ZFC3H1: variants seen among roughly 807,000 people sequenced by gnomAD.
ZFC3H1 encodes zinc finger C3H1 domain-containing protein.
Under a neutral mutation model 243.7 loss-of-function variants are expected in ZFC3H1, and 71 were observed. The ratio of observed to expected loss-of-function variants is 0.29; its 90% CI spans 0.24 to 0.36. The LOEUF is 0.36. Among genes scored for constraint, ZFC3H1 ranks in the 10% least tolerant of loss-of-function variants. The pLI is 1.00. For missense variants in ZFC3H1, 1,966 were observed against 2,317.1 expected, an observed-to-expected ratio of 0.85 and a Z score of 3.11; for synonymous variants, 838 against 813.0, an observed-to-expected ratio of 1.03 and a Z score of -0.52.
chr12:71,653,945 G>A (rs990123184), intron 2 of ZFC3H1, among the ~76,000 whole-genome samples: 6 of 152,072 alleles, frequency 3.9e-5, no homozygotes, highest in Non-Finnish European at 5.9e-5. Flanking sequence ...CCCAGGAGGC[G>A]GAGGTTGCAA....
chr12:71,648,374 T>A (rs1438897306), intron 2 of ZFC3H1, among the ~76,000 whole-genome samples: 1 of 152,226 alleles, frequency 6.6e-6, no homozygotes, highest in East Asian at 1.9e-4. Flanking sequence ...TGAAATAATG[T>A]ACAAAATCTT....
intron 7 of ZFC3H1, among the ~76,000 whole-genome samples, chr12:71,637,888 TTTTTCC>T (rs972276411): frequency 8.5e-5 from 13 of 152,190 alleles, no homozygotes; most frequent in Non-Finnish European, 1.8e-4. Flanking sequence ...CTACTTCCTT[TTTTTCC>T]TTTTCCTTTT....
intron 2 of ZFC3H1, among the ~76,000 whole-genome samples, chr12:71,654,471 C>T (rs1880967324): frequency 6.6e-6 from 1 of 152,124 alleles, no homozygotes; most frequent in South Asian, 2.1e-4. Flanking sequence ...TATATTTATA[C>T]ATATATAATT....
At chr12:71,648,650 G>A (rs1453048257) in intron 2 of ZFC3H1, among the ~76,000 whole-genome samples, 3 of 152,104 alleles carry the variant, frequency 2.0e-5, no homozygotes, top group Non-Finnish European at 2.9e-5. Context: ...CAAAGAATAC[G>A]TGACTTATTC....
In ZFC3H1 at chr12:71,613,444, G is replaced by A. The variant is rs762857154; in HGVS notation, c.5527-9C>T. 6.4e-7 allele frequency: 1 copy of A among 1,574,616 alleles called. No individual in the cohort carries two copies. The highest frequency in any genetic ancestry group is 1.2e-5 in the South Asian group (1 of 85,368). On this transcript the variant is annotated splice_polypyrimidine_tract_variant and intron_variant, in intron 30 of 34. Coordinates refer to ENST00000378743, the MANE Select transcript of ZFC3H1 (RefSeq NM_144982.5). ...AAATAAAAGAAAATAACCTGTAAAG[G>A]TTGAGGGGGGCGAAAAATGAATGCA...
In ZFC3H1 at chr12:71,663,586, G is replaced by T. The variant is rs1815234972; in HGVS notation, c.25C>A (p.Pro9Thr). The change falls in exon 1 of 35, where the codon CCG becomes ACG. Residue 9 changes from proline (P) to threonine (T), a missense_variant. Physicochemically the swap from Pro to Thr is conservative, Grantham distance 38 (BLOSUM62 -1). Transcript: ENST00000378743. MATADTPA[P>T]ASSGLSPKEE... is the part of the protein sequence containing the mutation. ...TTCGGCGAGAGGCCACTGGAGGCCGGGGCCGGAGTATCTGCGGTCGCCATC... is the reference window on the plus strand; with the variant it reads ...TTCGGCGAGAGGCCACTGGAGGCCGTGGCCGGAGTATCTGCGGTCGCCATC... 1.2e-6 allele frequency: 2 copies of T among 1,611,448 alleles called. No homozygotes were observed. The highest frequency in any genetic ancestry group is 1.7e-6 in the Non-Finnish European group (2 of 1,179,664).
chr12:71,642,371 A>T, intron 6 of ZFC3H1, 65 bp downstream of exon 6: 1 of 1,514,246 alleles, frequency 6.6e-7, no homozygotes, highest in South Asian at 1.4e-5. Flanking sequence ...GGTTTTGAGT[A>T]CCATAATGAC....
At chr12:71,657,379 G>T in intron 1 of ZFC3H1, 78 bp from the exon 2 acceptor site, 3 of 1,032,372 alleles carry the variant, frequency 2.9e-6, no homozygotes, top group South Asian at 3.9e-5. Flanking sequence ...GATTATAGAT[G>T]AATTTTCTCC....
At position 71,632,343 on chromosome 12, in the gene ZFC3H1, T is replaced by A; in HGVS notation, c.2989A>T (p.Ile997Phe). ...GGTTCCTCTTCCACAACTGGAGAGA[T>A]ATTTTGTTGTTCCTTTGCTTTAAGG... ...RALKAKEQQN[I>F]SPVVEEEPEF... Residue 997 changes from isoleucine to phenylalanine, a missense_variant, in exon 15 of 35, where the codon ATC (isoleucine) becomes TTC (phenylalanine). Around this residue, in one of 4 missense-constraint regions of ZFC3H1, gnomAD observed 1,383 missense variants for 1,723.7 expected, o/e 0.80. Coordinates refer to ENST00000378743, the MANE Select transcript of ZFC3H1 (RefSeq NM_144982.5). 6.2e-7 allele frequency: 1 copy of A among 1,613,764 alleles called. No homozygotes were observed. The highest frequency in any genetic ancestry group is 8.5e-7 in the Non-Finnish European group (1 of 1,179,852).
chr12:71,615,406 A>G, intron 27 of ZFC3H1, 90 bp from the exon 28 acceptor site: 1 of 820,040 alleles, frequency 1.2e-6, no homozygotes, highest in East Asian at 2.6e-5. Flanking sequence ...GTTTCACTTA[A>G]ATTTCATTGA....
In ZFC3H1 at chr12:71,610,400, A is replaced by G. The variant is rs1171462610; in HGVS notation, c.*28T>C. ...TCAAATAATTTTGGCAATTATTATA[A>G]GGACTTAGAACTGACTGCACCCAGT... On this transcript the variant is annotated 3_prime_UTR_variant, in exon 35 of 35. Transcript: ENST00000378743. 1.9e-6 allele frequency: 3 copies of G among 1,597,644 alleles called. No homozygotes were observed. Among genetic ancestry groups the G allele is most frequent in the Admixed American group, 1.8e-5 (1 of 55,980 alleles).
chr12:71,653,294 A>C (rs1313304374), intron 2 of ZFC3H1, among the ~76,000 whole-genome samples: 1 of 152,244 alleles, frequency 6.6e-6, no homozygotes, highest in Non-Finnish European at 1.5e-5. Context: ...CGAATACAGC[A>C]GAAGAGAGAA....
At chr12:71,647,869 T>C (rs1880767742) in intron 2 of ZFC3H1, 56 bp from the exon 3 acceptor site, 2 of 690,880 alleles carry the variant, frequency 2.9e-6, no homozygotes, top group African/African-American at 1.9e-5. Context: ...CAATCTAAAA[T>C]AAAATAATCC....
At chr12:71,617,865 T>C (rs1308979016) in intron 27 of ZFC3H1, among the ~76,000 whole-genome samples, 4 of 152,158 alleles carry the variant, frequency 2.6e-5, no homozygotes, top group African/African-American at 4.8e-5. Flanking sequence ...GGCACTAAAA[T>C]CGCTATGGCA....
At chr12:71,631,927 T>C (rs768884481) in intron 15 of ZFC3H1, 40 bp from the exon 16 acceptor site, 1 of 1,606,066 alleles carries the variant, frequency 6.2e-7, no homozygotes. Flanking sequence ...CAAATAAGGC[T>C]GGGTGAATTC....
rs1460106361 is a variant in ZFC3H1 at position 71,663,710 on chromosome 12, G to C, written c.-100C>G. Reference sequence around the variant, plus strand: ...CTTTCCTAACGGACTGGGTCGGTGCGGTCTTACCCTACTCGGACACCAAGC... The same window carrying C: ...CTTTCCTAACGGACTGGGTCGGTGCCGTCTTACCCTACTCGGACACCAAGC... On this transcript the variant is annotated 5_prime_UTR_variant, in exon 1 of 35. Transcript: ENST00000378743. The C allele has an allele frequency of 1.4e-6, 2 of 1,383,464 alleles. No individual in the cohort carries two copies. Among genetic ancestry groups the C allele is most frequent in the Non-Finnish European group, 2.0e-6 (2 of 1,017,250 alleles). The allele number at this position is 1,383,464 out of a possible 1,614,324, so 85.7% of individuals were successfully genotyped here.
At chr12:71,622,296 C>T (rs1459436473) in intron 24 of ZFC3H1, among the ~76,000 whole-genome samples, 1 of 152,190 alleles carries the variant, frequency 6.6e-6, no homozygotes, top group Admixed American at 6.5e-5. Context: ...CACCCCATCT[C>T]TGATGAGACC....
chr12:71,628,847 A>G, intron 20 of ZFC3H1, 71 bp downstream of exon 20: 1 of 1,476,514 alleles, frequency 6.8e-7, no homozygotes, highest in South Asian at 1.4e-5. Context: ...CCAAAGGATT[A>G]GCAAAGTGTT....
intron 2 of ZFC3H1, among the ~76,000 whole-genome samples, chr12:71,650,705 G>A (rs963665727): frequency 5.9e-5 from 9 of 152,168 alleles, no homozygotes; most frequent in Admixed American, 1.3e-4. Context: ...AAATTTCAAG[G>A]GAAGAAACAT....
Sources: gnomAD v4.1 joint callset for allele counts (sites outside exome capture counted in the v4.1 genomes callset) on GRCh38, gnomAD v4.1.1 for gene constraint, gnomAD v4.1.1 regional missense constraint, MANE v1.5 for transcripts, NCBI Gene and HGNC (gene_info 2026-07-23, HGNC 2026-07-21) for gene names.